Variants in SEMA3A observed in about 807,000 individuals in gnomAD.
SEMA3A encodes the protein semaphorin-3A.
In SEMA3A, 29 loss-of-function variants were observed where a neutral mutation model predicts 97.9. The ratio of observed to expected loss-of-function variants is 0.30; its 90% CI spans 0.22 to 0.40. SEMA3A has a LOEUF of 0.40. Ranked by LOEUF, SEMA3A falls within the 10% of genes least tolerant of loss-of-function variation. SEMA3A has a pLI of 1.00. For missense variants in SEMA3A, 763 were observed against 951.3 expected, an observed-to-expected ratio of 0.80 and a Z score of 2.60; for synonymous variants, 321 against 323.7, an observed-to-expected ratio of 0.99 and a Z score of 0.09.
At chr7:84,086,519 TATATAATATATTATTATATTATATTTAC>T (rs1554323240) in intron 4 of SEMA3A, among the ~76,000 whole-genome samples, 73 of 73,078 alleles carry the variant, frequency 1.0e-3, no homozygotes, top group East Asian at 5.5e-3. Context: ...ATTATATTTA[TATATAATATATTATTATATTATATTTAC>T]ATATAATATA....
intron 14 of SEMA3A, among the ~76,000 whole-genome samples, chr7:83,978,127 AGTTT>A (rs927421882): frequency 6.6e-6 from 1 of 152,126 alleles, no homozygotes; most frequent in Non-Finnish European, 1.5e-5. Flanking sequence ...TTTTTAAAAC[AGTTT>A]ATTTTATGAT....
intron 3 of SEMA3A, among the ~76,000 whole-genome samples, chr7:84,272,976 T>G (rs1055672481): frequency 1.1e-4 from 16 of 152,136 alleles, no homozygotes; most frequent in Non-Finnish European, 2.9e-5. Flanking sequence ...TTTAAAAATC[T>G]GCATCTTGCT....
At chr7:84,434,173 G>C in intron 1 of SEMA3A, among the ~76,000 whole-genome samples, 1 of 152,006 alleles carries the variant, frequency 6.6e-6, no homozygotes, top group Admixed American at 6.6e-5. Flanking sequence ...GATAATTAGT[G>C]ATGTGGATCA....
At chr7:84,386,033 C>T (rs1462200614) in intron 1 of SEMA3A, among the ~76,000 whole-genome samples, 2 of 152,156 alleles carry the variant, frequency 1.3e-5, no homozygotes. Context: ...TCACATTATT[C>T]TAAGATTTTT....
intron 15 of SEMA3A, among the ~76,000 whole-genome samples, chr7:83,974,983 G>A (rs1243834095): frequency 6.6e-6 from 1 of 152,032 alleles, no homozygotes; most frequent in African/African-American, 2.4e-5. Context: ...GAATCAGGAG[G>A]TAAATTTATT....
At chr7:84,305,070 A>G (rs1213653476) in intron 3 of SEMA3A, among the ~76,000 whole-genome samples, 2 of 152,020 alleles carry the variant, frequency 1.3e-5, no homozygotes, top group South Asian at 2.1e-4. Flanking sequence ...GAGAGGAAAT[A>G]AATGTATCAT....
chr7:84,017,396 TAAC>T (rs1285676306), intron 6 of SEMA3A, among the ~76,000 whole-genome samples: 1 of 152,184 alleles, frequency 6.6e-6, no homozygotes, highest in Non-Finnish European at 1.5e-5. Context: ...GCATGTGAAT[TAAC>T]AATCTCATCT....
intron 4 of SEMA3A, among the ~76,000 whole-genome samples, chr7:84,080,353 A>T (rs1295615396): frequency 6.6e-6 from 1 of 151,970 alleles, no homozygotes; most frequent in Non-Finnish European, 1.5e-5. Context: ...AAAGTATAAT[A>T]ATAACAAGAA....
chr7:84,137,712 G>C (rs1189270030), intron 1 of SEMA3A, among the ~76,000 whole-genome samples: 1 of 83,672 alleles, frequency 1.2e-5, no homozygotes, highest in Non-Finnish European at 2.5e-5. Context: ...AAAAAAAAAA[G>C]CCACCTCAGC....
At chr7:84,380,143 A>G (rs1803219916) in intron 1 of SEMA3A, among the ~76,000 whole-genome samples, 1 of 152,142 alleles carries the variant, frequency 6.6e-6, no homozygotes, top group Non-Finnish European at 1.5e-5. Context: ...TATTTTAATT[A>G]TTTACATCAT....
chr7:84,181,692 G>T (rs1169964837), intron 1 of SEMA3A, among the ~76,000 whole-genome samples: 1 of 152,054 alleles, frequency 6.6e-6, no homozygotes, highest in Non-Finnish European at 1.5e-5. Context: ...TTACATTTAA[G>T]TTGCTATTTT....
intron 3 of SEMA3A, among the ~76,000 whole-genome samples, chr7:84,275,697 A>G (rs1201896254): frequency 6.6e-6 from 1 of 151,992 alleles, no homozygotes; most frequent in Non-Finnish European, 1.5e-5. Context: ...TAATATAATA[A>G]CCATTAGCCA....
At position 83,987,153 on chromosome 7, in the gene SEMA3A, T is replaced by TC. The variant is rs567391118; in HGVS notation, c.1453-1677_1453-1676insG. Among the ~76,000 whole-genome samples, 51 of 151,122 alleles carry TC rather than the reference T, an allele frequency of 3.4e-4. 1 individual carries two copies. In the South Asian group the frequency reaches 0.01, roughly 31 times the overall value. ...TTTTATATAGATACATATAATTAAT[T>TC]TTTTGTCCTGTGAGTTTCTTCACAC... On this transcript the variant is annotated intron_variant, in intron 12 of 16. Coordinates refer to ENST00000265362, the MANE Select transcript of SEMA3A (RefSeq NM_006080.3).
intron 3 of SEMA3A, among the ~76,000 whole-genome samples, chr7:84,120,248 T>G (rs1053676376): frequency 1.3e-5 from 2 of 152,286 alleles, no homozygotes; most frequent in Middle Eastern, 3.4e-3. Flanking sequence ...TAAAATGTAT[T>G]AATTCAAAAT....
intron 1 of SEMA3A, among the ~76,000 whole-genome samples, chr7:84,185,536 A>T (rs1045007929): frequency 1.8e-4 from 27 of 147,596 alleles, no homozygotes; most frequent in Non-Finnish European, 3.2e-4. Context: ...TAAAAAAAAT[A>T]AAAAATTAGC....
intron 2 of SEMA3A, among the ~76,000 whole-genome samples, chr7:84,320,662 T>C (rs922610441): frequency 6.6e-6 from 1 of 152,140 alleles, no homozygotes; most frequent in African/African-American, 2.4e-5. Context: ...AAATTATTTT[T>C]TTTTTCTGCA....
intron 2 of SEMA3A, among the ~76,000 whole-genome samples, chr7:84,329,315 C>A (rs751738511): frequency 7.9e-5 from 12 of 152,030 alleles, no homozygotes; most frequent in East Asian, 1.9e-4. Flanking sequence ...AGATGTCATG[C>A]AGCCGTGTCC....
intron 3 of SEMA3A, among the ~76,000 whole-genome samples, chr7:84,206,076 C>T (rs1252583179): frequency 2.0e-5 from 3 of 152,158 alleles, no homozygotes; most frequent in Non-Finnish European, 2.9e-5. Context: ...AGCTATCTAA[C>T]AGTGACGGGC....
intron 3 of SEMA3A, among the ~76,000 whole-genome samples, chr7:84,294,313 AC>A (rs901800945): frequency 2.6e-4 from 40 of 151,990 alleles, no homozygotes; most frequent in African/African-American, 9.4e-4. Context: ...ATTTTCACTG[AC>A]CTGAAGGAAG....
Sources: gnomAD v4.1 joint callset for allele counts (sites outside exome capture counted in the v4.1 genomes callset) on GRCh38, gnomAD v4.1.1 for gene constraint, MANE v1.5 for transcripts, NCBI Gene and HGNC (gene_info 2026-07-23, HGNC 2026-07-21) for gene names.